TANC2: variants seen among roughly 807,000 people sequenced by gnomAD.
The protein encoded by TANC2 is protein TANC2.
Under a neutral mutation model 210.5 loss-of-function variants are expected in TANC2, and 26 were observed. That is an observed-to-expected ratio of 0.12 (90% CI 0.09 to 0.17). The LOEUF is 0.17. Among genes scored for constraint, TANC2 ranks in the 10% least tolerant of loss-of-function variants. The pLI is 1.00. For synonymous variants in TANC2, 931 were observed against 967.1 expected (o/e 0.96, Z 0.69); for missense variants, 2,129 against 2,608.9 (o/e 0.82, Z 4.01).
chr17:63,421,226 G>T lies in TANC2; in HGVS notation c.5496G>T (p.Ser1832=). Residue 1832 remains serine, a synonymous_variant, in exon 28 of 28, where the codon TCG becomes TCT. Coordinates refer to ENST00000689528, the Ensembl canonical transcript of TANC2. The surrounding 1 kb of genome is among the most constrained non-coding windows in gnomAD (Gnocchi z 6.9). ...GCCAACTAGGTTCCCCTGATGTGTC[G>T]CATTTAATCAGAAGACCTATCAGTG... The T allele has an allele frequency of 6.8e-6, 11 of 1,613,982 alleles. No homozygotes were observed. Among genetic ancestry groups the T allele is most frequent in the African/African-American group, 1.3e-5 (1 of 75,034 alleles).
rs749905545 is a variant in TANC2 at position 63,420,469 on chromosome 17, C to T, written c.4739C>T (p.Ser1580Leu). ...GCCCTTTCTCCAACTCATCAGAACT[C>T]ACATTACAGGCCTAGCCCACCACAC... The change falls in exon 28 of 28, where the codon TCA (serine) becomes TTA (leucine). Residue 1580 changes from serine to leucine, a missense_variant. Physicochemically the swap from Ser to Leu is moderately radical, Grantham distance 145. This residue lies in a region of TANC2 where 584 missense variants were observed against 627.3 expected (regional missense o/e 0.93). Coordinates refer to ENST00000689528, the Ensembl canonical transcript of TANC2. This position sits in a 1 kb window ranked among gnomAD's most constrained non-coding sequence, Gnocchi z 4.2. 5 of 1,613,872 alleles carry T rather than the reference C, an allele frequency of 3.1e-6. No individual in the cohort carries two copies. Among genetic ancestry groups the T allele is most frequent in the Non-Finnish European group, 4.2e-6 (5 of 1,179,892 alleles).
chr17:63,179,928 G>C (rs1015871958), intron 5 of TANC2, among the ~76,000 whole-genome samples: 1 of 148,928 alleles, frequency 6.7e-6, no homozygotes, highest in Non-Finnish European at 1.5e-5. Context: ...AAGAGGGTCA[G>C]GAATTCAAGA....
In TANC2 at chr17:63,220,193, G is replaced by T. The variant is rs1052471985; in HGVS notation, c.770-17621G>T. 1.4e-4 allele frequency among the ~76,000 whole-genome samples: 22 copies of T among 151,880 alleles called. 1 individual carries two copies. The highest frequency in any genetic ancestry group is 2.5e-4 in the Non-Finnish European group (17 of 67,994). Reference sequence around the variant, plus strand: ...GCCTGTAATCCCAGCTACTCAGGAGGCTGAGGCAGGAGAATCGCTTGAACC... The same window carrying T: ...GCCTGTAATCCCAGCTACTCAGGAGTCTGAGGCAGGAGAATCGCTTGAACC... On this transcript the variant is annotated intron_variant, in intron 7 of 27. Coordinates refer to ENST00000689528, the Ensembl canonical transcript of TANC2.
intron 11 of TANC2, among the ~76,000 whole-genome samples, 162 bp downstream of exon 11, chr17:63,319,252 T>A (rs1026741469): frequency 6.6e-6 from 1 of 152,184 alleles, no homozygotes; most frequent in East Asian, 1.9e-4. Context: ...AAAAATACTT[T>A]ATTGTGATGG....
chr17:63,205,966 G>C (rs2429744), intron 7 of TANC2, among the ~76,000 whole-genome samples: 30,330 of 151,930 alleles, frequency 0.2, 6,415 homozygotes, highest in African/African-American at 0.54. Flanking sequence ...TATCTGATAA[G>C]GGATTAATAT....
intron 9 of TANC2, among the ~76,000 whole-genome samples, chr17:63,303,578 G>C (rs2044794211): frequency 6.6e-6 from 1 of 152,078 alleles, no homozygotes; most frequent in South Asian, 2.1e-4. Flanking sequence ...GTGTCTTGGG[G>C]TTGATCGTCT....
chr17:63,136,223 T>TG (rs1484012878), intron 4 of TANC2, among the ~76,000 whole-genome samples: 2 of 152,214 alleles, frequency 1.3e-5, no homozygotes, highest in Non-Finnish European at 2.9e-5. Context: ...TAAGTTATTG[T>TG]GGTCATTTTT....
intron 1 of TANC2, among the ~76,000 whole-genome samples, chr17:62,977,153 C>T (rs746979748): frequency 2.9e-4 from 44 of 152,314 alleles, no homozygotes; most frequent in Non-Finnish European, 5.6e-4. Flanking sequence ...CCCCAGGGAA[C>T]AAGCATTCTG....
chr17:63,280,961 A>G (rs758088795), intron 9 of TANC2, among the ~76,000 whole-genome samples: 136 of 152,294 alleles, frequency 8.9e-4, no homozygotes, highest in South Asian at 5.4e-3. Context: ...GCACTTTGCT[A>G]AAGCATTTTA....
At chr17:63,216,779 C>T (rs902658429) in intron 7 of TANC2, among the ~76,000 whole-genome samples, 10 of 152,170 alleles carry the variant, frequency 6.6e-5, no homozygotes, top group Non-Finnish European at 1.5e-4. Flanking sequence ...CCAAAAACAG[C>T]AGAGTACAGA....
intron 4 of TANC2, among the ~76,000 whole-genome samples, chr17:63,131,376 G>A (rs963679925): frequency 6.6e-6 from 1 of 152,138 alleles, no homozygotes; most frequent in African/African-American, 2.4e-5. Flanking sequence ...ATAAAAGCTG[G>A]TCTGGGCAAA....
At chr17:63,327,775 A>G (rs868703537) in intron 11 of TANC2, among the ~76,000 whole-genome samples, 12 of 152,268 alleles carry the variant, frequency 7.9e-5, no homozygotes, top group Admixed American at 2.6e-4. Flanking sequence ...GAAATCATTC[A>G]TGGTTTTTTT....
At chr17:63,209,361 A>G (rs1216238485) in intron 7 of TANC2, among the ~76,000 whole-genome samples, 1 of 151,216 alleles carries the variant, frequency 6.6e-6, no homozygotes, top group African/African-American at 2.4e-5. Flanking sequence ...TGGCACATTG[A>G]ATTATAGTGA....
intron 12 of TANC2, among the ~76,000 whole-genome samples, chr17:63,349,999 A>G (rs747627819): frequency 3.9e-5 from 6 of 152,214 alleles, no homozygotes; most frequent in Non-Finnish European, 5.9e-5. Flanking sequence ...GATGAAAGTA[A>G]TTGTTAAAAT....
chr17:63,065,746 ATTTG>A (rs2036172132), intron 2 of TANC2, among the ~76,000 whole-genome samples: 1 of 152,110 alleles, frequency 6.6e-6, no homozygotes, highest in South Asian at 2.1e-4. Context: ...AAATAAGATA[ATTTG>A]TTCTCTTGCT....
intron 9 of TANC2, among the ~76,000 whole-genome samples, chr17:63,310,310 C>T (rs912989387): frequency 6.6e-6 from 1 of 151,862 alleles, no homozygotes; most frequent in African/African-American, 2.4e-5. Context: ...AGCCTGGTGT[C>T]GTTGCACACG....
intron 7 of TANC2, among the ~76,000 whole-genome samples, chr17:63,215,984 C>T (rs934202126): frequency 6.6e-6 from 1 of 152,106 alleles, no homozygotes; most frequent in Non-Finnish European, 1.5e-5. Context: ...ATCTCCTGAC[C>T]TCATGATCTG....
At chr17:63,417,862 C>T (rs926978363) in intron 26 of TANC2, among the ~76,000 whole-genome samples, 2 of 152,186 alleles carry the variant, frequency 1.3e-5, no homozygotes, top group Non-Finnish European at 2.9e-5. Context: ...TTACAGGACA[C>T]CTTCTCACCT....
chr17:63,123,058 A>G (rs921176188), intron 4 of TANC2, among the ~76,000 whole-genome samples: 24 of 152,360 alleles, frequency 1.6e-4, no homozygotes, highest in Non-Finnish European at 2.8e-4. Context: ...AGCCATGGAA[A>G]ATGTATAAAG....
Sources: gnomAD v4.1 joint callset for allele counts (sites outside exome capture counted in the v4.1 genomes callset) on GRCh38, gnomAD v4.1.1 for gene constraint, gnomAD v4.1.1 regional missense constraint, Gnocchi (gnomAD v3.1) non-coding constraint, MANE v1.5 for transcripts, NCBI Gene and HGNC (gene_info 2026-07-23, HGNC 2026-07-21) for gene names.